Variants in TACC2 observed in about 807,000 individuals in gnomAD.
TACC2 encodes the protein transforming acidic coiled-coil-containing protein 2.
A neutral mutation model predicts 227.3 loss-of-function variants in TACC2; 137 were observed. The ratio of observed to expected loss-of-function variants is 0.60; its 90% confidence interval spans 0.52 to 0.69. The LOEUF (loss-of-function observed/expected upper bound fraction) is 0.69, where lower values mean the gene tolerates loss of function less well. Ranked by LOEUF, TACC2 falls within the 30% of genes least tolerant of loss-of-function variation. The pLI is 0.00. For synonymous variants in TACC2, 1,523 were observed against 1,487.5 expected (o/e 1.02, Z -0.55); for missense variants, 3,470 against 3,694.4 (o/e 0.94, Z 1.57).
chr10:122,111,710 G>A (rs2083648987), intron 5 of TACC2, among the ~76,000 whole-genome samples: 1 of 151,584 alleles, frequency 6.6e-6, no homozygotes, highest in African/African-American at 2.4e-5. Flanking sequence ...TGGCCAGGAT[G>A]GTCTCAATCT....
chr10:122,159,516 C>A (rs2092693251), intron 7 of TACC2, among the ~76,000 whole-genome samples: 1 of 152,210 alleles, frequency 6.6e-6, no homozygotes, highest in South Asian at 2.1e-4. Context: ...CAGTGCAGGG[C>A]TCGGGCGTTC....
chr10:122,179,575 G>C (rs1240123687), intron 7 of TACC2, among the ~76,000 whole-genome samples: 1 of 152,072 alleles, frequency 6.6e-6, no homozygotes. Flanking sequence ...CCTTGGAGGC[G>C]AGCAAGCTCC....
intron 1 of TACC2, among the ~76,000 whole-genome samples, chr10:121,992,480 G>T (rs755226571): frequency 8.5e-5 from 13 of 152,218 alleles, no homozygotes; most frequent in Non-Finnish European, 1.5e-4. Flanking sequence ...AAATGTAATT[G>T]CACAGAACAA....
intron 11 of TACC2, among the ~76,000 whole-genome samples, chr10:122,221,865 A>T (rs2095530064): frequency 6.6e-6 from 1 of 152,164 alleles, no homozygotes; most frequent in Non-Finnish European, 1.5e-5. Flanking sequence ...AGCAATGGAG[A>T]CCTGGACTCA....
Position 122,087,045 on chromosome 10 carries a change from G to A in TACC2, c.4545G>A (p.Gly1515=), listed in dbSNP as rs1408461199. The change falls in exon 4 of 23, where the codon GGG becomes GGA. Residue 1515 remains glycine, a synonymous_variant. Transcript: ENST00000369005. ...WERNLPGAGV[G]KEMAGVPPTL... ...GGAACTTGCCAGGTGCCGGTGTGGG[G>A]AAGGAGATGGCAGGTGTCCCACCCA... The A allele has an allele frequency of 1.2e-6, 2 of 1,613,732 alleles. No individual in the cohort carries two copies. Among genetic ancestry groups the A allele is most frequent in the East Asian group, 4.5e-5 (2 of 44,878 alleles).
chr10:122,189,049 C>A (rs1001813958), intron 7 of TACC2, among the ~76,000 whole-genome samples: 1 of 152,034 alleles, frequency 6.6e-6, no homozygotes, highest in Non-Finnish European at 1.5e-5. Context: ...AATATTGATA[C>A]AACAGAGCAA....
chr10:122,235,991 C>A (rs547428240), intron 16 of TACC2, among the ~76,000 whole-genome samples: 45 of 152,144 alleles, frequency 3.0e-4, no homozygotes, highest in South Asian at 6.2e-4. Context: ...TCTTCCAGGA[C>A]AACCGAAACT....
intron 5 of TACC2, among the ~76,000 whole-genome samples, chr10:122,126,278 T>C (rs183313082): frequency 6.7e-6 from 1 of 149,794 alleles, no homozygotes; most frequent in Admixed American, 6.7e-5. Flanking sequence ...AATGGATTCA[T>C]AGATTATTAC....
chr10:121,999,409 C>A (rs941326419), intron 1 of TACC2, among the ~76,000 whole-genome samples: 6 of 152,208 alleles, frequency 3.9e-5, no homozygotes, highest in Admixed American at 3.9e-4. Flanking sequence ...TCATAAGGTT[C>A]AAGTTAGAAT....
chr10:122,075,541 T>C (rs540736131), intron 3 of TACC2, among the ~76,000 whole-genome samples: 1 of 152,230 alleles, frequency 6.6e-6, no homozygotes, highest in South Asian at 2.1e-4. Flanking sequence ...GGGCAAAGAA[T>C]ATGGCAGAAG....
At chr10:122,074,081 C>CTTT (rs3981240) in intron 3 of TACC2, among the ~76,000 whole-genome samples, 4,205 of 132,074 alleles carry the variant, frequency 0.032, 259 homozygotes, top group East Asian at 0.19. Context: ...CACCCGGCAT[C>CTTT]TTTTTTTTTT....
chr10:122,142,758 A>G (rs912601407), intron 6 of TACC2, among the ~76,000 whole-genome samples: 1 of 152,202 alleles, frequency 6.6e-6, no homozygotes, highest in African/African-American at 2.4e-5. Flanking sequence ...AGACACCTTC[A>G]GCCTGGCCAG....
At chr10:122,105,955 T>C (rs1349909147) in intron 5 of TACC2, among the ~76,000 whole-genome samples, 2 of 145,910 alleles carry the variant, frequency 1.4e-5, no homozygotes, top group African/African-American at 5.2e-5. Context: ...TGTGTGTGTG[T>C]GTGTGTGTGT....
chr10:122,139,957 T>C (rs1300144696), intron 6 of TACC2, among the ~76,000 whole-genome samples: 1 of 152,166 alleles, frequency 6.6e-6, no homozygotes, highest in Non-Finnish European at 1.5e-5. Flanking sequence ...ATCAGTTCAG[T>C]GAGGGATCTG....
At chr10:122,008,264 A>ATTATTATTATTATTTTAT in intron 1 of TACC2, among the ~76,000 whole-genome samples, 246 of 134,662 alleles carry the variant, frequency 1.8e-3, no homozygotes, top group African/African-American at 6.3e-3. Flanking sequence ...TATTATTATT[A>ATTATTATTATTATTTTAT]TTTTTTTTTT....
At chr10:122,112,686 C>A (rs954623360) in intron 5 of TACC2, among the ~76,000 whole-genome samples, 1 of 152,212 alleles carries the variant, frequency 6.6e-6, no homozygotes, top group African/African-American at 2.4e-5. Context: ...CACAGCCTTC[C>A]CGGCGTTGCC....
At chr10:122,153,603 G>GT (rs1045027937) in intron 7 of TACC2, among the ~76,000 whole-genome samples, 4 of 152,204 alleles carry the variant, frequency 2.6e-5, no homozygotes, top group Non-Finnish European at 5.9e-5. Context: ...GTGATTTCTT[G>GT]TTTTTTCACA....
At chr10:122,131,738 G>A (rs770321205) in intron 5 of TACC2, among the ~76,000 whole-genome samples, 2 of 152,072 alleles carry the variant, frequency 1.3e-5, no homozygotes, top group Non-Finnish European at 2.9e-5. Context: ...TTGCTACAGA[G>A]GGGCCAGGCG....
At chr10:122,247,015 G>A (rs2096137007) in intron 19 of TACC2, 1 of 152,540 alleles carries the variant, frequency 6.6e-6, no homozygotes. Flanking sequence ...CTGGGGCATT[G>A]GAGGCCTTCG....
Sources: gnomAD v4.1 joint callset for allele counts (sites outside exome capture counted in the v4.1 genomes callset) on GRCh38, gnomAD v4.1.1 for gene constraint, MANE v1.5 for transcripts, NCBI Gene and HGNC (gene_info 2026-07-23, HGNC 2026-07-21) for gene names.